Variants in UBE2K observed in about 807,000 individuals in gnomAD.
UBE2K encodes ubiquitin-conjugating enzyme E2 K.
UBE2K carries 6 observed loss-of-function variants against 30.0 expected under a neutral mutation model. The ratio of observed to expected loss-of-function variants is 0.20; its 90% confidence interval spans 0.11 to 0.39. UBE2K has a LOEUF of 0.39. Ranked by LOEUF, UBE2K falls within the 10% of genes least tolerant of loss-of-function variation. The probability of loss-of-function intolerance (pLI) is 1.00; values close to 1 mark genes in which losing one functional copy is unlikely to be tolerated. For missense variants in UBE2K, 61 were observed against 241.6 expected, an observed-to-expected ratio of 0.25 and a Z score of 4.96; for synonymous variants, 86 against 83.7, an observed-to-expected ratio of 1.03 and a Z score of -0.15.
At chr4:39,721,870 G>A (rs961659788) in intron 1 of UBE2K, among the ~76,000 whole-genome samples, 5 of 152,098 alleles carry the variant, frequency 3.3e-5, no homozygotes, top group African/African-American at 1.2e-4. Flanking sequence ...AGGAGGATAA[G>A]TTGAGCCCAG....
intron 3 of UBE2K, among the ~76,000 whole-genome samples, chr4:39,754,515 A>G (rs1351833234): frequency 1.3e-5 from 2 of 152,160 alleles, no homozygotes; most frequent in Non-Finnish European, 2.9e-5. Context: ...CATATATTAA[A>G]GAGTCCGTTT....
chr4:39,724,588 A>C (rs1719628806), intron 1 of UBE2K, among the ~76,000 whole-genome samples: 1 of 86,098 alleles, frequency 1.2e-5, no homozygotes, highest in African/African-American at 7.4e-5. Context: ...CTCTGCAAAA[A>C]AAAAAAAAAA....
At chr4:39,712,637 G>T (rs1718772768) in intron 1 of UBE2K, among the ~76,000 whole-genome samples, 1 of 151,848 alleles carries the variant, frequency 6.6e-6, no homozygotes, top group Non-Finnish European at 1.5e-5. Flanking sequence ...GGTCAGGCTG[G>T]TCTTGAACTC....
intron 4 of UBE2K, among the ~76,000 whole-genome samples, chr4:39,766,395 T>C (rs1278195137): frequency 1.3e-5 from 2 of 152,146 alleles, no homozygotes; most frequent in African/African-American, 4.8e-5. Flanking sequence ...GTGTTGAGCA[T>C]CTTTTTATGT....
At chr4:39,769,402 C>G (rs988520203) in intron 4 of UBE2K, among the ~76,000 whole-genome samples, 43 of 148,836 alleles carry the variant, frequency 2.9e-4, no homozygotes, top group African/African-American at 1.1e-3. Context: ...CTTACCCCCC[C>G]ACCCCCATGA....
At chr4:39,746,931 T>C (rs895492789) in intron 3 of UBE2K, among the ~76,000 whole-genome samples, 11 of 152,214 alleles carry the variant, frequency 7.2e-5, no homozygotes, top group Admixed American at 4.6e-4. Context: ...CTAGCTTTTA[T>C]GCTCCTGAGT....
Position 39,779,042 on chromosome 4 carries a change from A to ACCCCCCCCCCCCCCCCCCTC in UBE2K, c.*616_*617insCCCCCCCCCCTCCCCCCCCC, listed in dbSNP as rs3839130. 7.8e-6 allele frequency: 1 copy of ACCCCCCCCCCCCCCCCCCTC among 128,220 alleles called. No homozygotes were observed. Among genetic ancestry groups the ACCCCCCCCCCCCCCCCCCTC allele is most frequent in the Admixed American group, 8.7e-5 (1 of 11,470 alleles). 7.9% of individuals were successfully genotyped at this position (128,220 alleles called of 1,614,324 possible). A position where few individuals can be genotyped will look rare whatever the true frequency, so the allele number is the denominator to read the frequency against. On this transcript the variant is annotated 3_prime_UTR_variant, in exon 7 of 7. Coordinates refer to ENST00000261427, the MANE Select transcript of UBE2K (RefSeq NM_005339.5). Reference sequence around the variant, plus strand: ...TGGGACAGTGTCTGATTCCCCCTTCACCCCCCCCACCCCCGCCTTGCCACA... The same window carrying ACCCCCCCCCCCCCCCCCCTC: ...TGGGACAGTGTCTGATTCCCCCTTCACCCCCCCCCCCCCCCCCCTCCCCCCCCCACCCCCGCCTTGCCACA...
intron 4 of UBE2K, chr4:39,771,061 A>T: frequency 1.9e-6 from 3 of 1,612,442 alleles, no homozygotes; most frequent in Non-Finnish European, 2.5e-6. Flanking sequence ...GGGCTCAGTG[A>T]ACTGGCTGAG....
intron 4 of UBE2K, among the ~76,000 whole-genome samples, chr4:39,769,715 A>C (rs1477612543): frequency 7.0e-6 from 1 of 142,224 alleles, no homozygotes; most frequent in African/African-American, 2.6e-5. Context: ...AAATGTCAGA[A>C]CCTTCCCCTG....
intron 4 of UBE2K, among the ~76,000 whole-genome samples, chr4:39,758,609 C>T (rs895752715): frequency 2.6e-5 from 4 of 151,676 alleles, no homozygotes; most frequent in South Asian, 2.1e-4. Context: ...ACCTGGGAGG[C>T]GGAAGTTGCA....
At chr4:39,762,138 C>T (rs1432213571) in intron 4 of UBE2K, among the ~76,000 whole-genome samples, 1 of 151,680 alleles carries the variant, frequency 6.6e-6, no homozygotes, top group Admixed American at 6.6e-5. Context: ...GAGATCGCCT[C>T]ACTGCACTGC....
At chr4:39,771,035 C>G in intron 4 of UBE2K, 1 of 1,612,352 alleles carries the variant, frequency 6.2e-7, no homozygotes, top group Middle Eastern at 1.8e-4. Context: ...ACCCCATCCT[C>G]TTTGAGGCCT....
Position 39,745,740 on chromosome 4 carries a change from C to G in UBE2K, c.158-12C>G. The G allele has an allele frequency of 6.3e-7, 1 of 1,589,722 alleles. No homozygotes were observed. The highest frequency in any genetic ancestry group is 1.3e-5 in the African/African-American group (1 of 74,302). On this transcript the variant is annotated splice_polypyrimidine_tract_variant and intron_variant, in intron 2 of 6. Transcript: ENST00000261427. ...AGCAGCATTCTTAACTTTGTTTTCC[C>G]CATTTTTTTAGGAGGAAGATACCAA...
chr4:39,734,544 T>C (rs1022584089), intron 1 of UBE2K, among the ~76,000 whole-genome samples: 1 of 152,098 alleles, frequency 6.6e-6, no homozygotes, highest in African/African-American at 2.4e-5. Flanking sequence ...ACACCTGTAA[T>C]CGCAGCACTT....
intron 1 of UBE2K, among the ~76,000 whole-genome samples, chr4:39,730,490 G>A (rs1370299114): frequency 6.6e-6 from 1 of 152,032 alleles, no homozygotes; most frequent in African/African-American, 2.4e-5. Flanking sequence ...GCTAGCTGCA[G>A]CCTGGTGTGG....
At chr4:39,760,176 C>CAAAAAAAAAAAAAAAAAAAAAAAA (rs71194913) in intron 4 of UBE2K, among the ~76,000 whole-genome samples, 4 of 77,166 alleles carry the variant, frequency 5.2e-5, no homozygotes, top group African/African-American at 1.8e-4. Flanking sequence ...GACTCTGTCA[C>CAAAAAAAAAAAAAAAAAAAAAAAA]AAAAAAAAAA....
chr4:39,748,149 G>A (rs1248827107), intron 3 of UBE2K, among the ~76,000 whole-genome samples: 3 of 152,078 alleles, frequency 2.0e-5, no homozygotes, highest in Admixed American at 6.6e-5. Context: ...GCATAGTTGT[G>A]GCTCTGTTTT....
chr4:39,740,292 C>T lies in UBE2K; in HGVS notation c.157+2779C>T, dbSNP rs571697293. Among the ~76,000 whole-genome samples, 6 of 152,078 alleles carry T rather than the reference C, an allele frequency of 3.9e-5. No homozygotes were observed. The South Asian group carries it at 1.0e-3, about 26-fold the overall frequency. ...ATTGATTTTTATAAACAAGGCACTTCCTGAGCTAAATTAGATAGAAGCAAT... is the reference window on the plus strand; with the variant it reads ...ATTGATTTTTATAAACAAGGCACTTTCTGAGCTAAATTAGATAGAAGCAAT... On this transcript the variant is annotated intron_variant, in intron 2 of 6. Coordinates refer to ENST00000261427, the MANE Select transcript of UBE2K (RefSeq NM_005339.5).
At chr4:39,737,215 G>T (rs559834208) in intron 1 of UBE2K, among the ~76,000 whole-genome samples, 1 of 152,012 alleles carries the variant, frequency 6.6e-6, no homozygotes, top group African/African-American at 2.4e-5. Flanking sequence ...GTGTTATTTC[G>T]TTTAAAACAA....
Sources: allele counts gnomAD v4.1 joint callset (sites outside exome capture counted in the v4.1 genomes callset), GRCh38; gene constraint gnomAD v4.1.1; transcripts MANE v1.5; gene names NCBI Gene and HGNC (gene_info 2026-07-23, HGNC 2026-07-21).